Variants in FER observed in about 807,000 individuals in gnomAD.
FER encodes FER tyrosine kinase, also known as tyrosine-protein kinase Fer.
Under a neutral mutation model 111.0 loss-of-function variants are expected in FER, and 63 were observed. That is an observed-to-expected ratio of 0.57 (90% CI 0.46 to 0.70). The LOEUF (loss-of-function observed/expected upper bound fraction) is 0.70. Ranked by LOEUF, FER falls within the 30% of genes least tolerant of loss-of-function variation. The pLI, the probability that FER is intolerant of heterozygous loss-of-function variation, is 0.00. For synonymous variants in FER, 327 were observed against 313.9 expected (o/e 1.04, Z -0.44); for missense variants, 914 against 954.0 (o/e 0.96, Z 0.55).
intron 5 of FER, among the ~76,000 whole-genome samples, chr5:108,846,674 CCGGGTTCA>C (rs1437659259): frequency 4.3e-4 from 65 of 152,174 alleles, no homozygotes; most frequent in African/African-American, 1.5e-3. Flanking sequence ...GCTCTGCCTC[CCGGGTTCA>C]CGCCATTCTC....
intron 11 of FER, among the ~76,000 whole-genome samples, chr5:108,950,482 T>C (rs1468858038): frequency 6.6e-6 from 1 of 152,206 alleles, no homozygotes; most frequent in East Asian, 1.9e-4. Context: ...AATTCAGCTT[T>C]ACTGCTAAAA....
intron 3 of FER, 111 bp from the exon 4 acceptor site, chr5:108,832,659 T>A: frequency 1.4e-6 from 1 of 708,662 alleles, no homozygotes; most frequent in Admixed American, 4.1e-5. Context: ...ATTTTTTATA[T>A]TAATGTAATA....
intron 13 of FER, among the ~76,000 whole-genome samples, chr5:109,019,514 A>C (rs184963482): frequency 2.8e-4 from 42 of 151,908 alleles, no homozygotes; most frequent in African/African-American, 8.2e-4. Flanking sequence ...TAATATTGTC[A>C]AAGTGTGATC....
At chr5:109,010,533 C>T (rs1298276719) in intron 13 of FER, among the ~76,000 whole-genome samples, 1 of 152,052 alleles carries the variant, frequency 6.6e-6, no homozygotes, top group Non-Finnish European at 1.5e-5. Flanking sequence ...TATTTATAAT[C>T]GTCTCCAAGG....
intron 5 of FER, among the ~76,000 whole-genome samples, chr5:108,843,235 G>A: frequency 6.6e-6 from 1 of 152,152 alleles, no homozygotes; most frequent in East Asian, 1.9e-4. Flanking sequence ...CACTGCAAAT[G>A]CTGTTAATTC....
chr5:109,136,419 T>C (rs934619350), intron 17 of FER, among the ~76,000 whole-genome samples: 5 of 152,314 alleles, frequency 3.3e-5, no homozygotes, highest in African/African-American at 1.2e-4. Flanking sequence ...ATTGAGTCCT[T>C]TCTGGTTTTA....
chr5:108,920,865 C>G, intron 10 of FER, among the ~76,000 whole-genome samples: 1 of 152,076 alleles, frequency 6.6e-6, no homozygotes, highest in East Asian at 1.9e-4. Context: ...TAATCCTCAC[C>G]ATGAACTCAA....
In FER at chr5:109,034,729, G is replaced by T. The variant is rs1173188465; in HGVS notation, c.1657-2693G>T. ...TTTCAACCTATTTTTTCAGTGGTTT[G>T]CACTACAAGGATTGGGCTCAACTGC... On this transcript the variant is annotated intron_variant, in intron 13 of 19. Coordinates refer to ENST00000281092, the MANE Select transcript of FER (RefSeq NM_005246.4). Among the ~76,000 whole-genome samples, 5 of 152,018 alleles carry T rather than the reference G, an allele frequency of 3.3e-5. No homozygotes were observed. The East Asian group carries it at 9.7e-4, about 29-fold the overall frequency.
At chr5:109,006,664 C>G (rs1765540041) in intron 13 of FER, among the ~76,000 whole-genome samples, 2 of 151,972 alleles carry the variant, frequency 1.3e-5, no homozygotes, top group African/African-American at 4.8e-5. Context: ...GTTTTTAAAA[C>G]TATAACAAAA....
rs561334161 is a variant in FER, at chr5:109,044,857, G to C, written c.1829+62G>C. 182 of 852,566 alleles carry C rather than the reference G, an allele frequency of 2.1e-4. 1 individual carries two copies. The African/African-American group carries it at 2.9e-3, about 13-fold the overall frequency. The allele number at this position is 852,566 out of a possible 1,614,324, so 52.8% of individuals were successfully genotyped here. On this transcript the variant is annotated intron_variant, in intron 15 of 19. Coordinates refer to ENST00000281092, the MANE Select transcript of FER (RefSeq NM_005246.4). Reference sequence around the variant, plus strand: ...ATGTAAATTATTTATTAAAATGTAAGTTTGAAGACATCTTAAATTGTGATT... The same window carrying C: ...ATGTAAATTATTTATTAAAATGTAACTTTGAAGACATCTTAAATTGTGATT...
At chr5:109,138,105 G>A (rs1753109447) in intron 17 of FER, among the ~76,000 whole-genome samples, 1 of 152,174 alleles carries the variant, frequency 6.6e-6, no homozygotes, top group Non-Finnish European at 1.5e-5. Flanking sequence ...AATGCCATAT[G>A]TAGGGCTGGA....
chr5:108,814,893 C>G (rs1580692102), intron 3 of FER, among the ~76,000 whole-genome samples: 1 of 152,084 alleles, frequency 6.6e-6, no homozygotes, highest in Admixed American at 6.6e-5. Flanking sequence ...GTTTGTATTC[C>G]TATTGGAGGA....
rs5870331 is a variant in FER, at chr5:108,827,822, C to CTTTTT, written c.208-4933_208-4929dup. 1.1e-4 allele frequency among the ~76,000 whole-genome samples: 13 copies of CTTTTT among 121,604 alleles called. 1 individual carries two copies. Among genetic ancestry groups the CTTTTT allele is most frequent in the South Asian group, 2.7e-4 (1 of 3,764 alleles). The allele number at this position is 121,604 out of a possible 152,430, so 79.8% of individuals were successfully genotyped here. On this transcript the variant is annotated intron_variant, in intron 3 of 19. Coordinates refer to ENST00000281092, the MANE Select transcript of FER (RefSeq NM_005246.4). ...AATATTTAACAGATGGAGTTAGTAT[C>CTTTTT]TTTTTTTTTTTTTTTTTTTCCCCCA...
At chr5:108,973,092 A>G (rs1472830211) in intron 13 of FER, among the ~76,000 whole-genome samples, 1 of 152,180 alleles carries the variant, frequency 6.6e-6, no homozygotes, top group Non-Finnish European at 1.5e-5. Context: ...CTCTGATATT[A>G]AAGTGGTGAC....
chr5:109,187,076 C>T (rs1758957204), intron 19 of FER, among the ~76,000 whole-genome samples: 1 of 152,190 alleles, frequency 6.6e-6, no homozygotes, highest in Non-Finnish European at 1.5e-5. Flanking sequence ...ATAAAATCCT[C>T]ATCTTCTCTT....
intron 1 of FER, among the ~76,000 whole-genome samples, chr5:108,756,622 A>G (rs987761194): frequency 2.0e-5 from 3 of 152,094 alleles, no homozygotes; most frequent in African/African-American, 7.2e-5. Flanking sequence ...TTATAGGTCA[A>G]TATAACTTAT....
At position 109,032,856 on chromosome 5, in the gene FER, G is replaced by A. The variant is rs146086251; in HGVS notation, c.1657-4566G>A. Reference sequence around the variant, plus strand: ...GAAAAGTGGATATTTTTCTTTTACCGTAATCATGATATATTAATACTCAGG... The same window carrying A: ...GAAAAGTGGATATTTTTCTTTTACCATAATCATGATATATTAATACTCAGG... On this transcript the variant is annotated intron_variant, in intron 13 of 19. Transcript: ENST00000281092. 7.6e-3 allele frequency among the ~76,000 whole-genome samples: 1,155 copies of A among 152,122 alleles called. 10 individuals are homozygous for A. Among genetic ancestry groups the A allele is most frequent in the African/African-American group, 0.027 (1,120 of 41,508 alleles).
At chr5:108,890,112 A>C (rs1033223280) in intron 9 of FER, among the ~76,000 whole-genome samples, 2 of 151,974 alleles carry the variant, frequency 1.3e-5, no homozygotes, top group African/African-American at 4.8e-5. Context: ...CAGTCCATCT[A>C]CCTCCTTAGT....
At chr5:108,830,046 C>T (rs921602433) in intron 3 of FER, among the ~76,000 whole-genome samples, 19 of 152,118 alleles carry the variant, frequency 1.2e-4, no homozygotes, top group African/African-American at 4.6e-4. Flanking sequence ...CTATGTTCAG[C>T]AAAGTGAAGA....
Sources: allele counts gnomAD v4.1 joint callset (sites outside exome capture counted in the v4.1 genomes callset), GRCh38; gene constraint gnomAD v4.1.1; transcripts MANE v1.5; gene names NCBI Gene and HGNC (gene_info 2026-07-23, HGNC 2026-07-21).